The following TM6SF1 variants were observed in gnomAD, a reference collection of about 807,000 sequenced individuals.
TM6SF1 encodes transmembrane 6 superfamily member 1.
In TM6SF1, 43 loss-of-function variants were observed where a neutral mutation model predicts 47.1. The observed-to-expected ratio is 0.91, with a 90% CI of 0.72 to 1.18. The LOEUF is 1.18. Ranked by LOEUF, TM6SF1 falls within the 50% of genes most tolerant of loss-of-function variation. The pLI is 0.00. For missense variants in TM6SF1, 390 were observed against 449.0 expected (o/e 0.87, Z 1.19); for synonymous variants, 177 against 166.3 (o/e 1.06, Z -0.49).
intron 4 of TM6SF1, 31 bp downstream of exon 4, chr15:83,119,712 C>CA: frequency 6.2e-7 from 1 of 1,612,932 alleles, no homozygotes; most frequent in Non-Finnish European, 8.5e-7. Flanking sequence ...TGTGCCTTTG[C>CA]CACCTTAGCA....
At chr15:83,131,606 C>A (rs540733694) in intron 9 of TM6SF1, 3 of 152,372 alleles carry the variant, frequency 2.0e-5, no homozygotes, top group Non-Finnish European at 2.9e-5. Context: ...ACACTGCAGC[C>A]TGGGTGACAG....
At chr15:83,122,713 G>A in intron 5 of TM6SF1, 44 bp from the exon 6 acceptor site, 1 of 1,603,702 alleles carries the variant, frequency 6.2e-7, no homozygotes, top group South Asian at 1.1e-5. Context: ...ACTTGTGTTA[G>A]ATATGCTTTT....
intron 9 of TM6SF1, chr15:83,130,155 T>G (rs906070286): frequency 6.6e-5 from 10 of 152,174 alleles, no homozygotes; most frequent in African/African-American, 2.4e-4. Flanking sequence ...TGGTCAAGTC[T>G]CAGGAGACAA....
At chr15:83,134,453 C>T (rs932769732) in intron 9 of TM6SF1, 4 of 152,226 alleles carry the variant, frequency 2.6e-5, no homozygotes, top group Admixed American at 1.3e-4. Context: ...GAACTCCTGA[C>T]CTCAGGTGAT....
intron 4 of TM6SF1, 105 bp downstream of exon 4, chr15:83,119,786 G>T: frequency 6.5e-7 from 1 of 1,548,474 alleles, no homozygotes; most frequent in East Asian, 2.3e-5. Flanking sequence ...AGGTATACTG[G>T]ACATGAATAT....
intron 9 of TM6SF1, 24 bp from the exon 10 acceptor site, chr15:83,136,457 A>AT (rs752989537): frequency 0.015 from 16,604 of 1,088,796 alleles, no homozygotes; most frequent in South Asian, 0.026. Flanking sequence ...TGCTTACTCA[A>AT]TTTTTTTTTT....
intron 1 of TM6SF1, among the ~76,000 whole-genome samples, chr15:83,108,190 G>C (rs545181094): frequency 5.9e-5 from 9 of 152,258 alleles, no homozygotes; most frequent in African/African-American, 1.9e-4. Context: ...ATGGACTTTC[G>C]CATACTTATC....
chr15:83,113,937 G>T (rs2151339032), intron 2 of TM6SF1: 1 of 152,368 alleles, frequency 6.6e-6, no homozygotes, highest in East Asian at 1.9e-4. Context: ...GGAAAGGTGG[G>T]GTGGGAAGGA....
intron 9 of TM6SF1, chr15:83,132,108 A>G (rs918567137): frequency 1.3e-5 from 2 of 152,220 alleles, no homozygotes; most frequent in Non-Finnish European, 2.9e-5. Flanking sequence ...AGTGAGGATA[A>G]TAACAGTAGC....
chr15:83,124,568 A>C, intron 6 of TM6SF1, 104 bp from the exon 7 acceptor site: 1 of 829,094 alleles, frequency 1.2e-6, no homozygotes. Context: ...TAAATTGTGC[A>C]TCTTCAAAAT....
chr15:83,124,223 A>C (rs1196092541), intron 6 of TM6SF1, among the ~76,000 whole-genome samples: 1 of 152,214 alleles, frequency 6.6e-6, no homozygotes, highest in Non-Finnish European at 1.5e-5. Context: ...GTTTATATAC[A>C]GGAATAATTT....
intron 2 of TM6SF1, chr15:83,115,116 C>T (rs1053363290): frequency 3.9e-5 from 6 of 154,638 alleles, no homozygotes; most frequent in African/African-American, 1.5e-4. Flanking sequence ...TTCGTCAAGT[C>T]ATTGTCTTTT....
chr15:83,127,435 G>A lies in TM6SF1; in HGVS notation c.879G>A (p.Trp293Ter), dbSNP rs764543192. The change falls in exon 9 of 10, where the codon TGG becomes TGA. Residue 293 changes from tryptophan to a stop codon, truncating the protein, a stop_gained. Transcript: ENST00000322019. LOFTEE classifies it high-confidence loss of function. ...GCTTAGTGGTTCCTGGATGTTCCTG[G>A]ATGCCTGACATCACATTGATACATG... ...LYGLVVPGCS[W>*]MPDITLIHAG... 15 of 1,613,910 alleles carry A rather than the reference G, an allele frequency of 9.3e-6. No homozygotes were observed. Among genetic ancestry groups the A allele is most frequent in the Non-Finnish European group, 1.3e-5 (15 of 1,179,912 alleles).
chr15:83,121,811 A>T (rs1161845953), intron 4 of TM6SF1, 110 bp from the exon 5 acceptor site: 1 of 789,900 alleles, frequency 1.3e-6, no homozygotes, highest in African/African-American at 1.8e-5. Context: ...ATATGTTTTG[A>T]TTGATGTACT....
intron 9 of TM6SF1, chr15:83,132,533 T>C (rs1045631298): frequency 6.7e-6 from 1 of 149,696 alleles, no homozygotes; most frequent in Admixed American, 6.6e-5. Context: ...ATAATTTGGT[T>C]GTGAAGAGTT....
At chr15:83,121,169 C>CTGT (rs1325313297) in intron 4 of TM6SF1, among the ~76,000 whole-genome samples, 7 of 152,090 alleles carry the variant, frequency 4.6e-5, no homozygotes, top group Admixed American at 2.6e-4. Flanking sequence ...CTCCCAGGTT[C>CTGT]AACCATTTCT....
chr15:83,131,920 T>G (rs1310033176), intron 9 of TM6SF1: 1 of 152,194 alleles, frequency 6.6e-6, no homozygotes, highest in Non-Finnish European at 1.5e-5. Flanking sequence ...TCCTATCAAT[T>G]GAAGCATTTT....
chr15:83,119,429 C>A, intron 3 of TM6SF1, 149 bp from the exon 4 acceptor site: 1 of 848,506 alleles, frequency 1.2e-6, no homozygotes, highest in Non-Finnish European at 1.8e-6. Context: ...GTTGTATTTT[C>A]ATGTTCCTAC....
chr15:83,110,008 G>T (rs986096764), intron 1 of TM6SF1, among the ~76,000 whole-genome samples: 1 of 152,062 alleles, frequency 6.6e-6, no homozygotes, highest in South Asian at 2.1e-4. Context: ...TACCTGCCCC[G>T]GCTATAGCTC....
Sources: allele counts gnomAD v4.1 joint callset (sites outside exome capture counted in the v4.1 genomes callset), GRCh38; gene constraint gnomAD v4.1.1; transcripts MANE v1.5; gene names NCBI Gene and HGNC (gene_info 2026-07-23, HGNC 2026-07-21).